The following SLC6A17 variants were observed in gnomAD, a reference collection of about 807,000 sequenced individuals.
The protein encoded by SLC6A17 is solute carrier family 6 member 17, also known as sodium-dependent neutral amino acid transporter SLC6A17.
SLC6A17 carries 21 observed loss-of-function variants against 64.5 expected under a neutral mutation model. The observed-to-expected ratio is 0.33, with a 90% CI of 0.23 to 0.47. The LOEUF (loss-of-function observed/expected upper bound fraction) is 0.47, where lower values mean the gene tolerates loss of function less well. Ranked by LOEUF, SLC6A17 falls within the 20% of genes least tolerant of loss-of-function variation. SLC6A17 has a pLI of 1.00. For synonymous variants in SLC6A17, 372 were observed against 399.5 expected, an observed-to-expected ratio of 0.93 and a Z score of 0.82; for missense variants, 682 against 963.2, an observed-to-expected ratio of 0.71 and a Z score of 3.86.
chr1:110,181,675 C>T (rs994507440), intron 6 of SLC6A17, among the ~76,000 whole-genome samples: 26 of 152,186 alleles, frequency 1.7e-4, no homozygotes, highest in African/African-American at 5.5e-4. Flanking sequence ...TGGACAGTAC[C>T]GTCAAGGAAC....
At chr1:110,159,010 T>C (rs1376968187) in intron 1 of SLC6A17, among the ~76,000 whole-genome samples, 1 of 152,190 alleles carries the variant, frequency 6.6e-6, no homozygotes, top group Non-Finnish European at 1.5e-5. Context: ...ATATAGGTAA[T>C]TATCCCTCTC....
rs557226993 is a variant in SLC6A17 at position 110,173,822 on chromosome 1, C to T, written c.445-151C>T. Reference sequence around the variant, plus strand: ...CGTGAATGGAGCGTGAGGGGAGCTCCTCCACGGCCCGCACCCTATCCCTCC... The same window carrying T: ...CGTGAATGGAGCGTGAGGGGAGCTCTTCCACGGCCCGCACCCTATCCCTCC... On this transcript the variant is annotated intron_variant, in intron 3 of 11. Transcript: ENST00000331565. 62 of 1,114,980 alleles carry T rather than the reference C, an allele frequency of 5.6e-5. No homozygotes were observed. The East Asian group carries it at 1.6e-3, about 29-fold the overall frequency. The allele number at this position is 1,114,980 out of a possible 1,614,324, so 69.1% of individuals were successfully genotyped here.
rs774903167 is a variant in SLC6A17 at position 110,176,609 on chromosome 1, G to T, written c.754-20G>T. 4.3e-6 allele frequency: 7 copies of T among 1,611,108 alleles called. No homozygotes were observed. The highest frequency in any genetic ancestry group is 2.2e-5 in the South Asian group (2 of 91,020). Reference sequence around the variant, plus strand: ...GCAGGAAGGGCTCTGCCTGATGGGGGTTCCCTGTCCTCTCTGCAGGTGATG... The same window carrying T: ...GCAGGAAGGGCTCTGCCTGATGGGGTTTCCCTGTCCTCTCTGCAGGTGATG... On this transcript the variant is annotated intron_variant, in intron 5 of 11. Transcript: ENST00000331565.
intron 1 of SLC6A17, among the ~76,000 whole-genome samples, chr1:110,152,916 G>T (rs191100507): frequency 2.4e-3 from 371 of 152,294 alleles, no homozygotes; most frequent in African/African-American, 8.5e-3. Flanking sequence ...AAGGGGTTGT[G>T]GGGACACATG....
chr1:110,162,884 C>T (rs1037525667), intron 1 of SLC6A17, among the ~76,000 whole-genome samples: 16 of 151,922 alleles, frequency 1.1e-4, no homozygotes, highest in Non-Finnish European at 1.5e-4. Flanking sequence ...CGCTGGCACC[C>T]TCCCTTGACA....
Position 110,198,459 on chromosome 1 carries a change from C to G in SLC6A17, c.*15C>G, listed in dbSNP as rs2761446. The G allele has an allele frequency of 0.045, 70,577 of 1,583,984 alleles. 1,816 individuals carry two copies. Among genetic ancestry groups the G allele is most frequent in the Non-Finnish European group, 0.05 (58,546 of 1,164,014 alleles). On this transcript the variant is annotated 3_prime_UTR_variant, in exon 12 of 12. Transcript: ENST00000331565. ...CGGAGCTGTGACCACTGCCCAAGCC[C>G]TGCCCGCCTCTCCCCCCACGCTCAA...
chr1:110,177,297 A>G (rs1270122371), intron 6 of SLC6A17, among the ~76,000 whole-genome samples: 1 of 152,192 alleles, frequency 6.6e-6, no homozygotes, highest in East Asian at 1.9e-4. Context: ...GGTGACTTTA[A>G]CCTTACCAAA....
intron 1 of SLC6A17, among the ~76,000 whole-genome samples, chr1:110,153,411 G>A (rs1045088874): frequency 6.6e-6 from 1 of 152,086 alleles, no homozygotes; most frequent in African/African-American, 2.4e-5. Flanking sequence ...TCCAGATTTG[G>A]TGCTGAGCTA....
At chr1:110,152,722 C>A (rs1292677298) in intron 1 of SLC6A17, among the ~76,000 whole-genome samples, 1 of 152,186 alleles carries the variant, frequency 6.6e-6, no homozygotes, top group Non-Finnish European at 1.5e-5. Context: ...AGTCAATTCA[C>A]CTCGGGAGTC....
Position 110,198,369 on chromosome 1 carries a change from G to A in SLC6A17, c.2109G>A (p.Leu703=). ...SYLGPGSTSP[L]ETSGNPNGRY... is the part of the protein sequence containing the mutation. ...TGGGGCCCGGCAGCACATCACCCCT[G>A]GAGACCAGCGGTAACCCCAATGGAC... The change falls in exon 12 of 12, where the codon CTG becomes CTA. Residue 703 remains leucine, a synonymous_variant. Coordinates refer to ENST00000331565, the MANE Select transcript of SLC6A17 (RefSeq NM_001010898.4). 6.2e-7 allele frequency: 1 copy of A among 1,614,046 alleles called. No individual in the cohort carries two copies. The highest frequency in any genetic ancestry group is 1.3e-5 in the African/African-American group (1 of 75,038).
chr1:110,166,822 A>T, intron 1 of SLC6A17, 21 bp from the exon 2 acceptor site: 1 of 1,399,986 alleles, frequency 7.1e-7, no homozygotes, highest in South Asian at 1.5e-5. Context: ...ATAATCCTTT[A>T]CTGCTCACCT....
At chr1:110,174,656 C>G in intron 4 of SLC6A17, 123 bp from the exon 5 acceptor site, 19 of 1,217,788 alleles carry the variant, frequency 1.6e-5, no homozygotes, top group Non-Finnish European at 2.1e-5. Flanking sequence ...TGAGCACAGC[C>G]CCTCCCAGCT....
At chr1:110,151,877 G>T (rs534679563) in intron 1 of SLC6A17, among the ~76,000 whole-genome samples, 1 of 151,992 alleles carries the variant, frequency 6.6e-6, no homozygotes, top group Admixed American at 6.5e-5. Context: ...ATTCAGCTGT[G>T]AACTTGAGGC....
chr1:110,195,673 C>T lies in SLC6A17; in HGVS notation c.1580C>T (p.Ser527Leu). ...NYFVTMFDDY[S>L]ATLPLTLIVI... ...TTTGTCACCATGTTCGATGACTACT[C>T]GGCCACCCTGCCACTCACTCTCATC... Residue 527 changes from serine to leucine, a missense_variant, in exon 10 of 12, where the codon TCG (serine) becomes TTG (leucine). By Grantham distance (145) the Ser-to-Leu change is moderately radical. Coordinates refer to ENST00000331565, the MANE Select transcript of SLC6A17 (RefSeq NM_001010898.4). 3 of 1,614,202 alleles carry T rather than the reference C, an allele frequency of 1.9e-6. No individual in the cohort carries two copies. The highest frequency in any genetic ancestry group is 2.5e-6 in the Non-Finnish European group (3 of 1,180,028).
intron 8 of SLC6A17, 57 bp from the exon 9 acceptor site, chr1:110,194,522 A>G: frequency 1.3e-6 from 2 of 1,564,264 alleles, no homozygotes; most frequent in East Asian, 4.5e-5. Flanking sequence ...GGAAGGAAGC[A>G]GTGGGCTCCC....
chr1:110,169,894 G>A (rs1363796943), intron 2 of SLC6A17, among the ~76,000 whole-genome samples: 3 of 152,188 alleles, frequency 2.0e-5, no homozygotes, highest in African/African-American at 4.8e-5. Context: ...TATCTTGACC[G>A]CGGCCCCCTG....
chr1:110,175,024 G>GT, intron 5 of SLC6A17, 64 bp downstream of exon 5: 2 of 1,547,972 alleles, frequency 1.3e-6, no homozygotes, highest in Non-Finnish European at 1.7e-6. Flanking sequence ...AGAGGGCACA[G>GT]GGCTAAGAAT....
chr1:110,184,141 CG>C (rs1437071590), intron 6 of SLC6A17, among the ~76,000 whole-genome samples: 1 of 152,116 alleles, frequency 6.6e-6, no homozygotes, highest in African/African-American at 2.4e-5. Flanking sequence ...GACGGAGTCT[CG>C]CTCTGTTGCC....
intron 1 of SLC6A17, among the ~76,000 whole-genome samples, chr1:110,164,530 G>A (rs569846669): frequency 1.3e-5 from 2 of 152,362 alleles, no homozygotes; most frequent in African/African-American, 2.4e-5. Context: ...CTGCAGCCCA[G>A]CCCAGTGCCT....
Sources: gnomAD v4.1 joint callset for allele counts (sites outside exome capture counted in the v4.1 genomes callset) on GRCh38, gnomAD v4.1.1 for gene constraint, MANE v1.5 for transcripts, NCBI Gene and HGNC (gene_info 2026-07-23, HGNC 2026-07-21) for gene names.